PTPRN2: variants seen among roughly 807,000 people sequenced by gnomAD.
PTPRN2 encodes protein tyrosine phosphatase receptor type N2, also known as receptor-type tyrosine-protein phosphatase N2.
A neutral mutation model predicts 118.8 loss-of-function variants in PTPRN2; 74 were observed. The observed-to-expected ratio is 0.62, with a 90% confidence interval of 0.52 to 0.76. PTPRN2 has a LOEUF of 0.76. Ranked by LOEUF, PTPRN2 falls within the 30% of genes least tolerant of loss-of-function variation. The pLI is 0.00. For missense variants in PTPRN2, 1,481 were observed against 1,394.4 expected, an observed-to-expected ratio of 1.06 and a Z score of -0.99; for synonymous variants, 641 against 608.0, an observed-to-expected ratio of 1.05 and a Z score of -0.80.
At chr7:158,464,980 T>A (rs1819289324) in intron 2 of PTPRN2, among the ~76,000 whole-genome samples, 1 of 152,232 alleles carries the variant, frequency 6.6e-6, no homozygotes. Flanking sequence ...GGAGTTGAAG[T>A]TCAGAAAGGC....
In PTPRN2 at chr7:158,522,412, G is replaced by A. The variant is rs10233104; in HGVS notation, c.113-32627C>T. Among the ~76,000 whole-genome samples, 1,075 of 133,996 alleles carry A rather than the reference G, an allele frequency of 8.0e-3. 93 individuals are homozygous for A. Among genetic ancestry groups the A allele is most frequent in the Middle Eastern group, 0.014 (4 of 276 alleles). 87.9% of individuals were successfully genotyped at this position (133,996 alleles called of 152,430 possible). On this transcript the variant is annotated intron_variant, in intron 1 of 22. Transcript: ENST00000389418. ...CGTCACAATGGTGGACTGTCCAGGT[G>A]CTGGCTCAGGGGGAAGGTCCACATC...
At chr7:157,697,779 G>A (rs1367982935) in intron 12 of PTPRN2, among the ~76,000 whole-genome samples, 4 of 138,086 alleles carry the variant, frequency 2.9e-5, no homozygotes, top group African/African-American at 8.3e-5. Flanking sequence ...TCTTGGCAGA[G>A]CCCTCACCAT....
At chr7:157,593,967 G>A (rs1801142212) in intron 17 of PTPRN2, among the ~76,000 whole-genome samples, 1 of 152,226 alleles carries the variant, frequency 6.6e-6, no homozygotes, top group Non-Finnish European at 1.5e-5. Flanking sequence ...TGAAGACACA[G>A]GCAGACACAA....
chr7:158,547,732 T>C (rs1391897032), intron 1 of PTPRN2, among the ~76,000 whole-genome samples: 1 of 152,188 alleles, frequency 6.6e-6, no homozygotes, highest in Non-Finnish European at 1.5e-5. Flanking sequence ...GGACTTTCCA[T>C]GCAGGGTCCA....
rs563253589 is a variant in PTPRN2, at chr7:157,827,810, C to T, written c.1788+70863G>A. ...GGCCCCGCCCTCGCCGGCTGTGATG[C>T]TTTGACTCAGGGACGGCCACCGTGT... On this transcript the variant is annotated intron_variant, in intron 12 of 22. Transcript: ENST00000389418. Among the ~76,000 whole-genome samples, 389 of 152,354 alleles carry T rather than the reference C, an allele frequency of 2.6e-3. 8 individuals carry two copies. The highest frequency in any genetic ancestry group is 4.1e-4 in the Non-Finnish European group (28 of 68,032).
chr7:157,909,521 T>A (rs1797963989), intron 11 of PTPRN2, among the ~76,000 whole-genome samples: 1 of 152,260 alleles, frequency 6.6e-6, no homozygotes, highest in African/African-American at 2.4e-5. Flanking sequence ...GGCCCTTGGC[T>A]GCTGCCCTGA....
At chr7:158,314,251 G>A (rs371542771) in intron 3 of PTPRN2, among the ~76,000 whole-genome samples, 1 of 152,284 alleles carries the variant, frequency 6.6e-6, no homozygotes. Context: ...CCACTCGCAC[G>A]TCCAGCCATC....
chr7:158,202,637 A>C (rs1042917067), intron 4 of PTPRN2, among the ~76,000 whole-genome samples: 2 of 152,178 alleles, frequency 1.3e-5, no homozygotes, highest in Admixed American at 6.5e-5. Flanking sequence ...GAGAATATCC[A>C]GCCAATGCCT....
intron 11 of PTPRN2, among the ~76,000 whole-genome samples, chr7:157,946,443 C>A (rs756603626): frequency 3.9e-5 from 6 of 152,126 alleles, no homozygotes; most frequent in Non-Finnish European, 8.8e-5. Flanking sequence ...TATTTTTGTC[C>A]CAAAATAAAG....
chr7:158,188,237 T>C (rs7787916), intron 5 of PTPRN2, among the ~76,000 whole-genome samples: 21,762 of 33,974 alleles, frequency 0.64, 8,734 homozygotes, highest in African/African-American at 0.76. Context: ...CCGCCACGCT[T>C]GCCCCGCGAT....
intron 11 of PTPRN2, among the ~76,000 whole-genome samples, chr7:158,068,577 G>A (rs943417855): frequency 6.6e-6 from 1 of 152,214 alleles, no homozygotes; most frequent in African/African-American, 2.4e-5. Context: ...CTGGAACCGG[G>A]TGCCTATTGA....
At position 157,974,230 on chromosome 7, in the gene PTPRN2, C is replaced by G. The variant is rs1802562946; in HGVS notation, c.1724-75493G>C. 6.6e-6 allele frequency among the ~76,000 whole-genome samples: 1 copy of G among 152,230 alleles called. No individual in the cohort carries two copies. The highest frequency in any genetic ancestry group is 2.4e-5 in the African/African-American group (1 of 41,460). On this transcript the variant is annotated intron_variant, in intron 11 of 22. Coordinates refer to ENST00000389418, the MANE Select transcript of PTPRN2 (RefSeq NM_002847.5). This position sits in a 1 kb window ranked among gnomAD's most constrained non-coding sequence, Gnocchi z 4.0. ...TTGATGTGCAGAGTGACCCTGCAGT[C>G]AAGTCTGTTTGCCTCCCACTAGCAT...
At chr7:158,528,794 G>A (rs61469587) in intron 1 of PTPRN2, among the ~76,000 whole-genome samples, 2,167 of 146,766 alleles carry the variant, frequency 0.015, 62 homozygotes, top group African/African-American at 0.053. Context: ...GCAAAACTCC[G>A]TCTCAAAAAC....
chr7:158,385,020 G>C (rs1270275133), intron 2 of PTPRN2, among the ~76,000 whole-genome samples: 1 of 152,182 alleles, frequency 6.6e-6, no homozygotes, highest in Non-Finnish European at 1.5e-5. Flanking sequence ...AGAAGAATTT[G>C]CTGGTGTGAC....
chr7:158,001,346 C>T (rs200867124), intron 11 of PTPRN2, among the ~76,000 whole-genome samples: 1 of 17,952 alleles, frequency 5.6e-5, no homozygotes, highest in Non-Finnish European at 1.6e-4. Context: ...GACCACACTC[C>T]ACACTCACAG....
intron 6 of PTPRN2, among the ~76,000 whole-genome samples, chr7:158,158,345 G>T (rs1005558503): frequency 6.6e-6 from 1 of 152,232 alleles, no homozygotes; most frequent in Non-Finnish European, 1.5e-5. Context: ...CTCTGTGAGG[G>T]TTTTCAGGCT....
At chr7:158,333,276 C>A (rs1216468240) in intron 2 of PTPRN2, among the ~76,000 whole-genome samples, 2 of 133,392 alleles carry the variant, frequency 1.5e-5, no homozygotes, top group African/African-American at 6.1e-5. Context: ...TCACTCACAC[C>A]CACACTCTCA....
intron 2 of PTPRN2, among the ~76,000 whole-genome samples, chr7:158,446,539 G>A (rs891302340): frequency 1.4e-4 from 21 of 152,078 alleles, no homozygotes; most frequent in African/African-American, 3.9e-4. Flanking sequence ...GACCCCACCC[G>A]GACTCTGCCT....
At chr7:157,636,431 T>C (rs1804325349) in intron 14 of PTPRN2, among the ~76,000 whole-genome samples, 1 of 152,200 alleles carries the variant, frequency 6.6e-6, no homozygotes, top group Non-Finnish European at 1.5e-5. Context: ...ACAACAACAA[T>C]TGACAGTGTG....
Sources: allele counts gnomAD v4.1 joint callset (sites outside exome capture counted in the v4.1 genomes callset), GRCh38; gene constraint gnomAD v4.1.1; non-coding constraint Gnocchi (gnomAD v3.1); transcripts MANE v1.5; gene names NCBI Gene and HGNC (gene_info 2026-07-23, HGNC 2026-07-21).